PDE1C: variants seen among roughly 807,000 people sequenced by gnomAD.
PDE1C encodes dual specificity calcium/calmodulin-dependent 3',5'-cyclic nucleotide phosphodiesterase 1C.
PDE1C carries 62 observed loss-of-function variants against 93.1 expected under a neutral mutation model. The observed-to-expected ratio is 0.67, with a 90% CI of 0.54 to 0.82. The LOEUF (loss-of-function observed/expected upper bound fraction) is 0.82. PDE1C is among the 40% of genes least tolerant of loss of function. The pLI, the probability that PDE1C is intolerant of heterozygous loss-of-function variation, is 0.00. For synonymous variants in PDE1C, 325 were observed against 310.1 expected (o/e 1.05, Z -0.50); for missense variants, 742 against 884.6 (o/e 0.84, Z 2.04).
intron 6 of PDE1C, among the ~76,000 whole-genome samples, chr7:31,865,839 C>T (rs1167663053): frequency 6.6e-6 from 1 of 152,074 alleles, no homozygotes; most frequent in Non-Finnish European, 1.5e-5. Flanking sequence ...ATTTGTTTTG[C>T]AATAATTTTA....
the PDE1C span, chr7:31,707,186 C>T: frequency 6.2e-7 from 1 of 1,610,068 alleles, no homozygotes; most frequent in Non-Finnish European, 8.5e-7. Flanking sequence ...AATTGCAGGT[C>T]TGTGCTTTGT....
At chr7:32,240,631 A>G (rs9639646) in intron 1 of PDE1C, among the ~76,000 whole-genome samples, 48,950 of 151,984 alleles carry the variant, frequency 0.32, 8,882 homozygotes, top group African/African-American at 0.49. Flanking sequence ...AAATTTTACT[A>G]AAAAAGGTGA....
intron 2 of PDE1C, among the ~76,000 whole-genome samples, chr7:32,177,928 A>G (rs1233290265): frequency 6.6e-6 from 1 of 152,204 alleles, no homozygotes; most frequent in East Asian, 1.9e-4. Context: ...GGTGGGGAGC[A>G]TGCTCAGAAT....
At chr7:32,113,126 A>G (rs1011982875) in intron 3 of PDE1C, among the ~76,000 whole-genome samples, 24 of 148,924 alleles carry the variant, frequency 1.6e-4, no homozygotes, top group Non-Finnish European at 2.7e-4. Context: ...AAATAAAAGG[A>G]GAAATGGGTT....
At chr7:32,072,673 G>C (rs1365727805), upstream of PDE1C, among the ~76,000 whole-genome samples, 4 of 152,144 alleles carry the variant, frequency 2.6e-5, no homozygotes, top group Admixed American at 1.3e-4. Flanking sequence ...TGTTCTAAGT[G>C]TTCTACTCTC....
chr7:31,771,538 C>T (rs1795487689), intron 17 of PDE1C, among the ~76,000 whole-genome samples: 1 of 152,028 alleles, frequency 6.6e-6, no homozygotes, highest in South Asian at 2.1e-4. Context: ...TATTCCAGTC[C>T]TTTGGCCATT....
chr7:31,692,892 G>A, the PDE1C span, among the ~76,000 whole-genome samples: 1 of 152,222 alleles, frequency 6.6e-6, no homozygotes, highest in South Asian at 2.1e-4. Context: ...CCCATGTGCA[G>A]TGCCAATAAA....
At chr7:32,325,384 C>A (rs1046934201) in intron 1 of PDE1C, among the ~76,000 whole-genome samples, 17 of 152,142 alleles carry the variant, frequency 1.1e-4, no homozygotes, top group African/African-American at 4.1e-4. Context: ...ATTACCACTG[C>A]TGCCCACAGT....
chr7:31,704,990 T>A, the PDE1C span, among the ~76,000 whole-genome samples: 4 of 152,212 alleles, frequency 2.6e-5, no homozygotes, highest in African/African-American at 9.6e-5. Context: ...TCCTAAGCAA[T>A]GATATCCATG....
chr7:31,948,934 C>T (rs1806988820), intron 2 of PDE1C, among the ~76,000 whole-genome samples: 1 of 152,040 alleles, frequency 6.6e-6, no homozygotes, highest in Non-Finnish European at 1.5e-5. Context: ...TACAGTAATC[C>T]TAACTTTATA....
chr7:31,873,598 A>G (rs1796199914), intron 5 of PDE1C, among the ~76,000 whole-genome samples, 190 bp from the exon 6 acceptor site: 1 of 152,228 alleles, frequency 6.6e-6, no homozygotes, highest in South Asian at 2.1e-4. Context: ...AAAAAAATTA[A>G]ATAGTCTTAT....
At chr7:31,991,326 T>C (rs1166392725) in intron 2 of PDE1C, among the ~76,000 whole-genome samples, 2 of 152,162 alleles carry the variant, frequency 1.3e-5, no homozygotes, top group Admixed American at 1.3e-4. Flanking sequence ...GGTTAGGCCC[T>C]CTGAGGCAAA....
At chr7:32,365,764 C>A (rs769754114) in intron 1 of PDE1C, among the ~76,000 whole-genome samples, 1 of 152,090 alleles carries the variant, frequency 6.6e-6, no homozygotes, top group Non-Finnish European at 1.5e-5. Flanking sequence ...TGAGTTCACC[C>A]GGGCAAAGCC....
At chr7:31,724,117 C>T in the PDE1C span, among the ~76,000 whole-genome samples, 3 of 152,166 alleles carry the variant, frequency 2.0e-5, no homozygotes, top group Admixed American at 1.3e-4. Flanking sequence ...ATATATTCTG[C>T]CTCAGTGCTG....
chr7:32,043,072 C>T (rs959984355), intron 2 of PDE1C, among the ~76,000 whole-genome samples: 3 of 152,074 alleles, frequency 2.0e-5, no homozygotes, highest in African/African-American at 2.4e-5. Flanking sequence ...TTTTTGGTTG[C>T]CACAGCTAGG....
At chr7:31,805,644 A>G (rs1460368289) in intron 16 of PDE1C, among the ~76,000 whole-genome samples, 1 of 150,130 alleles carries the variant, frequency 6.7e-6, no homozygotes, top group Admixed American at 6.7e-5. Flanking sequence ...TGAAACTGCT[A>G]GTAAGGGAGT....
intron 3 of PDE1C, among the ~76,000 whole-genome samples, chr7:32,116,762 C>T (rs913264407): frequency 2.0e-5 from 3 of 152,114 alleles, no homozygotes; most frequent in Non-Finnish European, 4.4e-5. Flanking sequence ...TCCACATTCC[C>T]TATTAGATAA....
At chr7:31,648,543 CTCCA>C in the PDE1C span, among the ~76,000 whole-genome samples, 2 of 152,182 alleles carry the variant, frequency 1.3e-5, no homozygotes, top group African/African-American at 4.8e-5. Context: ...AGAGCAAACA[CTCCA>C]TCAGTTATTC....
intron 3 of PDE1C, among the ~76,000 whole-genome samples, chr7:32,100,708 A>C (rs2128750059): frequency 6.6e-6 from 1 of 152,302 alleles, no homozygotes; most frequent in Non-Finnish European, 1.5e-5. Context: ...ACGTGTACCT[A>C]TACACACACA....
Sources: gnomAD v4.1 joint callset for allele counts (sites outside exome capture counted in the v4.1 genomes callset) on GRCh38, gnomAD v4.1.1 for gene constraint, MANE v1.5 for transcripts, NCBI Gene and HGNC (gene_info 2026-07-23, HGNC 2026-07-21) for gene names.